The following PLCXD3 variants were observed in gnomAD, a reference collection of about 807,000 sequenced individuals.
PLCXD3 encodes PI-PLC X domain-containing protein 3.
A neutral mutation model predicts 25.5 loss-of-function variants in PLCXD3; 19 were observed. The observed-to-expected ratio is 0.75, with a 90% CI of 0.52 to 1.09. PLCXD3 has a LOEUF of 1.09. Among genes scored for constraint, PLCXD3 ranks in the 50% least tolerant of loss-of-function variants. PLCXD3 has a pLI of 0.00. For missense variants in PLCXD3, 411 were observed against 388.1 expected, an observed-to-expected ratio of 1.06 and a Z score of -0.50; for synonymous variants, 174 against 137.6, an observed-to-expected ratio of 1.26 and a Z score of -1.85.
chr5:41,393,518 A>G (rs544314914), intron 1 of PLCXD3, among the ~76,000 whole-genome samples: 1 of 152,306 alleles, frequency 6.6e-6, no homozygotes, highest in South Asian at 2.1e-4. Flanking sequence ...AACAAACAAA[A>G]GGTGAAATTT....
intron 1 of PLCXD3, among the ~76,000 whole-genome samples, chr5:41,392,355 AAG>A (rs150796688): frequency 0.11 from 16,479 of 151,134 alleles, 1,046 homozygotes; most frequent in Admixed American, 0.17. Flanking sequence ...GAGAGAGAGA[AAG>A]AGAGAGAGAG....
intron 1 of PLCXD3, among the ~76,000 whole-genome samples, chr5:41,428,173 A>G (rs747838994): frequency 1.3e-5 from 2 of 152,148 alleles, no homozygotes; most frequent in Non-Finnish European, 2.9e-5. Flanking sequence ...TCTGGCATTC[A>G]GATCCCTTTC....
At chr5:41,358,788 T>C (rs564157907) in intron 2 of PLCXD3, among the ~76,000 whole-genome samples, 5 of 152,304 alleles carry the variant, frequency 3.3e-5, no homozygotes, top group African/African-American at 9.6e-5. Flanking sequence ...CATCCTTGTC[T>C]TGTTCCAGTT....
In PLCXD3 at chr5:41,307,427, T is replaced by G. The variant is rs2150464264; in HGVS notation, c.*6190A>C. The G allele has an allele frequency of 6.5e-6, 1 of 152,708 alleles. No homozygotes were observed. The highest frequency in any genetic ancestry group is 2.4e-5 in the African/African-American group (1 of 41,572). The allele number at this position is 152,708 out of a possible 1,614,324, so 9.5% of individuals were successfully genotyped here. ...TAGAATTTAGGAATTCCAACATGGTTCTATTTTCTGCATTGTTTTAGAAAC... is the reference window on the plus strand; with the variant it reads ...TAGAATTTAGGAATTCCAACATGGTGCTATTTTCTGCATTGTTTTAGAAAC... On this transcript the variant is annotated 3_prime_UTR_variant, in exon 3 of 3. Transcript: ENST00000377801.
intron 1 of PLCXD3, among the ~76,000 whole-genome samples, chr5:41,490,822 T>G (rs1399384208): frequency 2.0e-5 from 3 of 152,228 alleles, no homozygotes; most frequent in Non-Finnish European, 4.4e-5. Context: ...GATTCTTCTC[T>G]CTTTTCTTCT....
At chr5:41,359,374 T>C (rs1744710884) in intron 2 of PLCXD3, among the ~76,000 whole-genome samples, 1 of 152,114 alleles carries the variant, frequency 6.6e-6, no homozygotes, top group Admixed American at 6.5e-5. Context: ...CAATTTTTCA[T>C]TACCATTTCA....
At chr5:41,417,600 G>A (rs1746723794) in intron 1 of PLCXD3, among the ~76,000 whole-genome samples, 1 of 152,218 alleles carries the variant, frequency 6.6e-6, no homozygotes, top group Non-Finnish European at 1.5e-5. Flanking sequence ...TCCTGGAACA[G>A]AATAACACAT....
chr5:41,437,621 A>G (rs1214759546), intron 1 of PLCXD3, among the ~76,000 whole-genome samples: 1 of 152,222 alleles, frequency 6.6e-6, no homozygotes, highest in Non-Finnish European at 1.5e-5. Flanking sequence ...AGAAATACAA[A>G]TAAGCCAGTG....
intron 1 of PLCXD3, among the ~76,000 whole-genome samples, chr5:41,419,074 C>T (rs542704849): frequency 2.0e-5 from 3 of 152,098 alleles, no homozygotes; most frequent in South Asian, 2.1e-4. Context: ...CCTCTTCTCA[C>T]TTGGTATATG....
chr5:41,393,246 G>A (rs983181923), intron 1 of PLCXD3, among the ~76,000 whole-genome samples: 3 of 152,122 alleles, frequency 2.0e-5, no homozygotes, highest in Non-Finnish European at 4.4e-5. Flanking sequence ...TTAACCCAAA[G>A]AGGACTACCT....
rs139045891 is a variant in PLCXD3, at chr5:41,355,191, T to C, written c.812+26635A>G. Reference sequence around the variant, plus strand: ...CCTTAGTCTACCAAGAGTGTAGAAATAGGTAGTCTCTTGATTATATGACAG... The same window carrying C: ...CCTTAGTCTACCAAGAGTGTAGAAACAGGTAGTCTCTTGATTATATGACAG... On this transcript the variant is annotated intron_variant, in intron 2 of 2. Transcript: ENST00000377801. Among the ~76,000 whole-genome samples the C allele has an allele frequency of 2.6e-3, 402 of 152,290 alleles. 2 individuals carry two copies. Among genetic ancestry groups the C allele is most frequent in the African/African-American group, 9.2e-3 (383 of 41,566 alleles).
At chr5:41,447,567 G>A (rs1229560942) in intron 1 of PLCXD3, among the ~76,000 whole-genome samples, 1 of 152,194 alleles carries the variant, frequency 6.6e-6, no homozygotes, top group Non-Finnish European at 1.5e-5. Context: ...GAATTCAGAT[G>A]TGACTCCATG....
chr5:41,445,235 A>C (rs1747467202), intron 1 of PLCXD3, among the ~76,000 whole-genome samples: 1 of 152,210 alleles, frequency 6.6e-6, no homozygotes, highest in Non-Finnish European at 1.5e-5. Flanking sequence ...TGGATTGTGG[A>C]GAATCATTCC....
chr5:41,474,110 A>C (rs2150520929), intron 1 of PLCXD3, among the ~76,000 whole-genome samples: 1 of 152,320 alleles, frequency 6.6e-6, no homozygotes, highest in South Asian at 2.1e-4. Context: ...CTTAAGACAA[A>C]GGAAACTGTT....
intron 1 of PLCXD3, among the ~76,000 whole-genome samples, chr5:41,461,190 G>T (rs1747865482): frequency 6.6e-6 from 1 of 151,872 alleles, no homozygotes; most frequent in South Asian, 2.1e-4. Context: ...TCTATAAACT[G>T]ACACAGCAGA....
intron 2 of PLCXD3, among the ~76,000 whole-genome samples, chr5:41,370,598 A>G (rs1745067325): frequency 6.6e-6 from 1 of 152,146 alleles, no homozygotes; most frequent in Admixed American, 6.6e-5. Flanking sequence ...TTTGGCTTAT[A>G]TCACCTCACT....
chr5:41,338,260 C>T (rs1421172892), intron 2 of PLCXD3, among the ~76,000 whole-genome samples: 2 of 152,126 alleles, frequency 1.3e-5, no homozygotes, highest in Admixed American at 1.3e-4. Context: ...TTCTTGGCCA[C>T]ATAAGTGTAG....
chr5:41,494,291 G>C (rs1375340891), intron 1 of PLCXD3, among the ~76,000 whole-genome samples: 1 of 152,152 alleles, frequency 6.6e-6, no homozygotes, highest in Non-Finnish European at 1.5e-5. Flanking sequence ...ACTTCTGAAA[G>C]ATACTCTGTA....
chr5:41,403,401 G>GTTTGTTTGTTTGTTTTT (rs1554047951), intron 1 of PLCXD3, among the ~76,000 whole-genome samples: 1 of 18,392 alleles, frequency 5.4e-5, no homozygotes, highest in Non-Finnish European at 1.4e-4. Context: ...CTTATTTGTT[G>GTTTGTTTGTTTGTTTTT]TTTTTTTTTT....
Sources: allele counts gnomAD v4.1 joint callset (sites outside exome capture counted in the v4.1 genomes callset), GRCh38; gene constraint gnomAD v4.1.1; transcripts MANE v1.5; gene names NCBI Gene and HGNC (gene_info 2026-07-23, HGNC 2026-07-21).